The following CHSY3 variants were observed in gnomAD, a reference collection of about 807,000 sequenced individuals.
CHSY3 encodes the protein chondroitin sulfate synthase 3, also known as N-acetylgalactosaminyl-proteoglycan 3-beta-glucuronosyltransferase 3.
CHSY3 carries 35 observed loss-of-function variants against 67.2 expected under a neutral mutation model. That is an observed-to-expected ratio of 0.52 (90% CI 0.40 to 0.69). The LOEUF (loss-of-function observed/expected upper bound fraction) is 0.69. Ranked by LOEUF, CHSY3 falls within the 30% of genes least tolerant of loss-of-function variation. The pLI, the probability that CHSY3 is intolerant of heterozygous loss-of-function variation, is 0.00. For missense variants in CHSY3, 1,069 were observed against 1,138.5 expected, an observed-to-expected ratio of 0.94 and a Z score of 0.88; for synonymous variants, 474 against 434.7, an observed-to-expected ratio of 1.09 and a Z score of -1.12.
chr5:130,132,886 G>A (rs1436076321), intron 2 of CHSY3, among the ~76,000 whole-genome samples: 1 of 152,108 alleles, frequency 6.6e-6, no homozygotes, highest in African/African-American at 2.4e-5. Flanking sequence ...CCAATGTTGA[G>A]AAACCCTGAA....
chr5:129,911,798 T>C (rs1237237540), intron 2 of CHSY3, among the ~76,000 whole-genome samples: 3 of 152,210 alleles, frequency 2.0e-5, no homozygotes, highest in African/African-American at 7.2e-5. Flanking sequence ...GGCTCATGCC[T>C]GTAATCCCAG....
intron 2 of CHSY3, among the ~76,000 whole-genome samples, chr5:130,025,144 T>TG (rs1222030469): frequency 6.6e-6 from 1 of 152,110 alleles, no homozygotes; most frequent in African/African-American, 2.4e-5. Context: ...ATTAGTGTTA[T>TG]GAACATCTCT....
intron 2 of CHSY3, among the ~76,000 whole-genome samples, chr5:130,124,039 CAAAAAAA>C (rs11297427): frequency 8.6e-5 from 5 of 58,246 alleles, no homozygotes; most frequent in African/African-American, 2.2e-4. Context: ...GACTCCATCT[CAAAAAAA>C]AAAAAAAAAA....
intron 2 of CHSY3, among the ~76,000 whole-genome samples, chr5:129,931,666 C>A (rs1189390133): frequency 3.3e-5 from 5 of 152,018 alleles, no homozygotes; most frequent in African/African-American, 1.2e-4. Flanking sequence ...GGGTCTCATA[C>A]TTTTTTGTCT....
At chr5:129,972,623 GT>G (rs1762676462) in intron 2 of CHSY3, among the ~76,000 whole-genome samples, 1 of 151,766 alleles carries the variant, frequency 6.6e-6, no homozygotes, top group African/African-American at 2.4e-5. Context: ...GTGTGTATGT[GT>G]GTGTGGTCTG....
intron 2 of CHSY3, among the ~76,000 whole-genome samples, chr5:130,000,784 C>T (rs1164785483): frequency 1.7e-5 from 2 of 118,270 alleles, no homozygotes; most frequent in Non-Finnish European, 3.3e-5. Context: ...TGCTACGTTA[C>T]CCAGGCTGGT....
chr5:129,963,182 T>A (rs1167630025), intron 2 of CHSY3, among the ~76,000 whole-genome samples: 1 of 151,900 alleles, frequency 6.6e-6, no homozygotes, highest in Non-Finnish European at 1.5e-5. Context: ...ATGTGTACAC[T>A]GTTTTATTTC....
intron 2 of CHSY3, among the ~76,000 whole-genome samples, chr5:129,915,843 A>G (rs1262356822): frequency 6.6e-6 from 1 of 152,192 alleles, no homozygotes. Context: ...TTTTCCTGGC[A>G]TGAAAGAGAA....
Position 129,929,652 on chromosome 5 carries a change from A to T in CHSY3, c.1086+21292A>T, listed in dbSNP as rs920429679. Among the ~76,000 whole-genome samples the T allele has an allele frequency of 4.0e-5, 6 of 151,430 alleles. No homozygotes were observed. In the South Asian group the frequency reaches 8.6e-4, roughly 22 times the overall value. ...TCAGGAATAGTTAAATAGCAAAAAT[A>T]AAAAAAAACCACAAACTAGCTACAA... On this transcript the variant is annotated intron_variant, in intron 2 of 2. Coordinates refer to ENST00000305031, the MANE Select transcript of CHSY3 (RefSeq NM_175856.5).
At chr5:129,931,534 G>A (rs896472174) in intron 2 of CHSY3, among the ~76,000 whole-genome samples, 1 of 152,082 alleles carries the variant, frequency 6.6e-6, no homozygotes, top group African/African-American at 2.4e-5. Flanking sequence ...AGTTAATAAT[G>A]TATTTTACTA....
intron 2 of CHSY3, among the ~76,000 whole-genome samples, chr5:130,109,736 G>T (rs1022367807): frequency 2.1e-4 from 32 of 151,508 alleles, no homozygotes; most frequent in African/African-American, 7.8e-4. Flanking sequence ...GATGAATATC[G>T]GGAAATATTA....
chr5:130,133,771 T>TAAAAAAAAAAAAAAAAAA (rs758023976), intron 2 of CHSY3, among the ~76,000 whole-genome samples: 5 of 58,118 alleles, frequency 8.6e-5, no homozygotes, highest in Non-Finnish European at 1.5e-4. Context: ...GACTCCGTCT[T>TAAAAAAAAAAAAAAAAAA]AAAAAAAAAA....
intron 2 of CHSY3, among the ~76,000 whole-genome samples, chr5:130,067,110 T>C (rs1363526143): frequency 6.6e-6 from 1 of 152,140 alleles, no homozygotes; most frequent in East Asian, 1.9e-4. Flanking sequence ...TGGGAAATAA[T>C]CCTTACTAAA....
At chr5:129,950,972 C>T (rs1380717494) in intron 2 of CHSY3, among the ~76,000 whole-genome samples, 3 of 152,122 alleles carry the variant, frequency 2.0e-5, no homozygotes, top group African/African-American at 7.2e-5. Context: ...GGTGGCACAA[C>T]ATTTCCTGAT....
intron 2 of CHSY3, among the ~76,000 whole-genome samples, chr5:130,030,168 A>C (rs1456858343): frequency 6.6e-6 from 1 of 152,104 alleles, no homozygotes; most frequent in South Asian, 2.1e-4. Context: ...AATTTGAATT[A>C]TCTCACCTAA....
Position 130,185,716 on chromosome 5 carries a change from C to T in CHSY3, c.2574C>T (p.Phe858=), listed in dbSNP as rs148231534. The T allele has an allele frequency of 3.7e-5, 59 of 1,613,284 alleles. No individual in the cohort carries two copies. The highest frequency in any genetic ancestry group is 3.6e-4 in the East Asian group (16 of 44,858). Residue 858 remains phenylalanine, a synonymous_variant, in exon 3 of 3, where the codon TTC becomes TTT. Transcript: ENST00000305031. ...KMCLGSKAST[F]ASTMQLAELW... ...GCTTAGGATCCAAGGCAAGTACTTT[C>T]GCCTCAACCATGCAACTGGCTGAAC...
chr5:130,086,235 G>A (rs904525992), intron 2 of CHSY3, among the ~76,000 whole-genome samples: 2 of 152,032 alleles, frequency 1.3e-5, no homozygotes, highest in Non-Finnish European at 2.9e-5. Context: ...TTATTATTGT[G>A]TGGGAGTCTA....
At chr5:129,996,623 A>G (rs1027691252) in intron 2 of CHSY3, among the ~76,000 whole-genome samples, 2 of 152,298 alleles carry the variant, frequency 1.3e-5, no homozygotes, top group East Asian at 1.9e-4. Context: ...GATGAATATC[A>G]TAAGTTTTGT....
chr5:129,933,721 C>T (rs1039900381), intron 2 of CHSY3, among the ~76,000 whole-genome samples: 4 of 152,020 alleles, frequency 2.6e-5, no homozygotes, highest in African/African-American at 9.7e-5. Context: ...ATTTATATAA[C>T]CCTACACTCA....
Sources: gnomAD v4.1 joint callset for allele counts (sites outside exome capture counted in the v4.1 genomes callset) on GRCh38, gnomAD v4.1.1 for gene constraint, MANE v1.5 for transcripts, NCBI Gene and HGNC (gene_info 2026-07-23, HGNC 2026-07-21) for gene names.